Variants in RAPGEF4 observed in about 807,000 individuals in gnomAD.
RAPGEF4 encodes the protein Rap guanine nucleotide exchange factor 4.
Under a neutral mutation model 147.9 loss-of-function variants are expected in RAPGEF4, and 66 were observed. The ratio of observed to expected loss-of-function variants is 0.45; its 90% CI spans 0.37 to 0.55. RAPGEF4 has a LOEUF of 0.55. Among genes scored for constraint, RAPGEF4 ranks in the 20% least tolerant of loss-of-function variants. The pLI is 0.00. For missense variants in RAPGEF4, 1,071 were observed against 1,257.3 expected (o/e 0.85, Z 2.24); for synonymous variants, 419 against 442.7 (o/e 0.95, Z 0.67).
intron 1 of RAPGEF4, among the ~76,000 whole-genome samples, chr2:172,783,608 C>T (rs926510067): frequency 6.6e-6 from 1 of 152,052 alleles, no homozygotes; most frequent in Non-Finnish European, 1.5e-5. Flanking sequence ...TTCTGAGAGT[C>T]ACCCTGAATA....
chr2:172,762,630 A>G (rs1696456904), intron 1 of RAPGEF4, among the ~76,000 whole-genome samples: 2 of 152,330 alleles, frequency 1.3e-5, no homozygotes, highest in Middle Eastern at 3.4e-3. Context: ...GAGGTGGCCA[A>G]CAGTGGACAC....
chr2:172,922,609 A>G (rs1394040719), intron 6 of RAPGEF4, among the ~76,000 whole-genome samples: 1 of 152,256 alleles, frequency 6.6e-6, no homozygotes, highest in Admixed American at 6.5e-5. Flanking sequence ...CAAACAAATC[A>G]TTAGCCTAAT....
At chr2:172,983,188 A>G (rs878885151) in intron 10 of RAPGEF4, among the ~76,000 whole-genome samples, 1 of 152,212 alleles carries the variant, frequency 6.6e-6, no homozygotes, top group Admixed American at 6.5e-5. Context: ...GCAGTTTTTT[A>G]GCTCAATCAT....
chr2:172,813,584 G>A (rs1308835654), intron 3 of RAPGEF4, among the ~76,000 whole-genome samples: 2 of 152,082 alleles, frequency 1.3e-5, no homozygotes, highest in East Asian at 1.9e-4. Flanking sequence ...GTGTGAACTG[G>A]GGCTGTGTAG....
intron 1 of RAPGEF4, among the ~76,000 whole-genome samples, chr2:172,789,745 A>T (rs532394462): frequency 6.6e-6 from 1 of 152,366 alleles, no homozygotes; most frequent in South Asian, 2.1e-4. Context: ...TTCGCTTAGC[A>T]GAATGTCTTC....
At chr2:172,953,062 A>G (rs947593880) in intron 6 of RAPGEF4, among the ~76,000 whole-genome samples, 2 of 152,060 alleles carry the variant, frequency 1.3e-5, no homozygotes, top group South Asian at 2.1e-4. Context: ...CAGACTCACC[A>G]TGCAGTCTTC....
At chr2:172,940,155 G>GATT (rs1382153163) in intron 6 of RAPGEF4, among the ~76,000 whole-genome samples, 4 of 152,050 alleles carry the variant, frequency 2.6e-5, no homozygotes, top group Non-Finnish European at 5.9e-5. Context: ...ATTAGACTAG[G>GATT]ATTATGGGTT....
At chr2:173,047,169 G>A (rs1685579449) in intron 29 of RAPGEF4, among the ~76,000 whole-genome samples, 1 of 152,198 alleles carries the variant, frequency 6.6e-6, no homozygotes, top group Non-Finnish European at 1.5e-5. Flanking sequence ...GTGACCAGGA[G>A]TGCCAGCTAT....
At chr2:172,814,942 T>A (rs1264651762) in intron 4 of RAPGEF4, among the ~76,000 whole-genome samples, 1 of 152,214 alleles carries the variant, frequency 6.6e-6, no homozygotes, top group African/African-American at 2.4e-5. Context: ...GGCACAGCAG[T>A]GAATGGATGC....
intron 9 of RAPGEF4, 27 bp downstream of exon 9, chr2:172,965,710 C>T: frequency 6.2e-7 from 1 of 1,613,970 alleles, no homozygotes; most frequent in Non-Finnish European, 8.5e-7. Flanking sequence ...TCCCTGGAAA[C>T]CTCTCAAGAA....
intron 1 of RAPGEF4, among the ~76,000 whole-genome samples, chr2:172,755,085 A>C (rs1203044121): frequency 6.6e-6 from 1 of 152,070 alleles, no homozygotes; most frequent in Non-Finnish European, 1.5e-5. Context: ...CATAAAGACA[A>C]AATGATATGT....
At chr2:172,860,141 C>G in intron 4 of RAPGEF4, 1 of 985,388 alleles carries the variant, frequency 1.0e-6, no homozygotes, top group Non-Finnish European at 1.2e-6. Flanking sequence ...CAAGATAAAT[C>G]AGTCCAGCTC....
At chr2:172,772,525 G>T (rs962749805) in intron 1 of RAPGEF4, among the ~76,000 whole-genome samples, 24 of 151,854 alleles carry the variant, frequency 1.6e-4, no homozygotes, top group Admixed American at 5.9e-4. Flanking sequence ...TGTATTTTCA[G>T]TAGAAACGGG....
At chr2:172,764,707 G>A (rs1179036488) in intron 1 of RAPGEF4, among the ~76,000 whole-genome samples, 1 of 152,154 alleles carries the variant, frequency 6.6e-6, no homozygotes, top group African/African-American at 2.4e-5. Context: ...ACTACTTTGA[G>A]AGCCATACCC....
chr2:173,011,744 C>G (rs1474723737), intron 17 of RAPGEF4, among the ~76,000 whole-genome samples: 1 of 151,756 alleles, frequency 6.6e-6, no homozygotes, highest in Admixed American at 6.6e-5. Flanking sequence ...TGAATAGTTT[C>G]TTTGCCTAAG....
At chr2:173,045,808 T>C (rs1022101939) in intron 29 of RAPGEF4, among the ~76,000 whole-genome samples, 4 of 152,208 alleles carry the variant, frequency 2.6e-5, no homozygotes, top group Non-Finnish European at 4.4e-5. Context: ...AGCCACTGTT[T>C]ATAGGCAGGC....
At chr2:172,892,132 G>A (rs1166900027) in intron 4 of RAPGEF4, among the ~76,000 whole-genome samples, 1 of 152,096 alleles carries the variant, frequency 6.6e-6, no homozygotes, top group Non-Finnish European at 1.5e-5. Flanking sequence ...GGAGCAGGGC[G>A]GATGTGAGGG....
chr2:172,993,940 T>C (rs1012128912), intron 15 of RAPGEF4, among the ~76,000 whole-genome samples: 2 of 152,214 alleles, frequency 1.3e-5, no homozygotes, highest in African/African-American at 4.8e-5. Flanking sequence ...AGAGGCCACT[T>C]TCTAGAGAGG....
chr2:172,797,486 T>C (rs1347314624), intron 2 of RAPGEF4, 39 bp from the exon 3 acceptor site: 5 of 1,536,220 alleles, frequency 3.3e-6, no homozygotes, highest in Non-Finnish European at 4.5e-6. Flanking sequence ...AAAACCAAGT[T>C]GTATCTGTTA....
Sources: allele counts gnomAD v4.1 joint callset (sites outside exome capture counted in the v4.1 genomes callset), GRCh38; gene constraint gnomAD v4.1.1; transcripts MANE v1.5; gene names NCBI Gene and HGNC (gene_info 2026-07-23, HGNC 2026-07-21).